The following DDR2 variants were observed in gnomAD, a reference collection of about 807,000 sequenced individuals.
The protein encoded by DDR2 is discoidin domain receptor tyrosine kinase 2.
Under a neutral mutation model 94.9 loss-of-function variants are expected in DDR2, and 27 were observed. The observed-to-expected ratio is 0.28, with a 90% CI of 0.21 to 0.39. The LOEUF is 0.39. Ranked by LOEUF, DDR2 falls within the 10% of genes least tolerant of loss-of-function variation. DDR2 has a pLI of 1.00. For missense variants in DDR2, 783 were observed against 1,076.0 expected, an observed-to-expected ratio of 0.73 and a Z score of 3.81; for synonymous variants, 382 against 377.2, an observed-to-expected ratio of 1.01 and a Z score of -0.15.
At chr1:162,733,223 G>C (rs553038563) in intron 3 of DDR2, among the ~76,000 whole-genome samples, 1 of 152,230 alleles carries the variant, frequency 6.6e-6, no homozygotes, top group Non-Finnish European at 1.5e-5. Flanking sequence ...ACGAGGAAGT[G>C]GAACTGGGGG....
At chr1:162,680,943 T>G (rs1487729810) in intron 2 of DDR2, among the ~76,000 whole-genome samples, 2 of 152,196 alleles carry the variant, frequency 1.3e-5, no homozygotes, top group African/African-American at 2.4e-5. Context: ...TCAGTCTGGC[T>G]TCTTTTCTGG....
chr1:162,715,161 G>A (rs1193672402), intron 2 of DDR2, among the ~76,000 whole-genome samples: 6 of 152,112 alleles, frequency 3.9e-5, no homozygotes, highest in Non-Finnish European at 8.8e-5. Context: ...TGAATATATG[G>A]CTCAAGGCAA....
intron 1 of DDR2, among the ~76,000 whole-genome samples, chr1:162,636,475 G>A (rs1221286714): frequency 2.6e-5 from 4 of 152,170 alleles, no homozygotes; most frequent in African/African-American, 4.8e-5. Context: ...TCTGTGAGGG[G>A]CCCTTTGGAT....
At chr1:162,650,531 G>A (rs572340398) in intron 1 of DDR2, among the ~76,000 whole-genome samples, 2 of 152,234 alleles carry the variant, frequency 1.3e-5, no homozygotes, top group African/African-American at 4.8e-5. Flanking sequence ...GGGAGGCAGA[G>A]GTTGCAGTGA....
At chr1:162,767,466 G>A in intron 11 of DDR2, 107 bp downstream of exon 11, 1 of 1,467,098 alleles carries the variant, frequency 6.8e-7, no homozygotes, top group Non-Finnish European at 9.3e-7. Flanking sequence ...TTAATGGTTG[G>A]AATTAACTGA....
rs1319888415 is a variant in DDR2 at position 162,771,168 on chromosome 1, C to T, written c.1504+656C>T. On this transcript the variant is annotated intron_variant, in intron 12 of 17. Transcript: ENST00000367921. The stretch of plus-strand genomic sequence containing the variant: ...TGTCAGTTGATTCAAATTTCGATGT[C>T]TTTCAAAAAATGATGCAGAGTCATA... 3.9e-5 allele frequency among the ~76,000 whole-genome samples: 6 copies of T among 152,270 alleles called. No individual in the cohort carries two copies. The East Asian group carries it at 9.6e-4, about 24-fold the overall frequency.
chr1:162,654,889 T>C (rs1476142146), intron 1 of DDR2, among the ~76,000 whole-genome samples: 1 of 152,224 alleles, frequency 6.6e-6, no homozygotes, highest in African/African-American at 2.4e-5. Context: ...ATTCTTCTCA[T>C]GTTGAAGATA....
chr1:162,740,210 A>G (rs1445214606), intron 3 of DDR2, among the ~76,000 whole-genome samples: 1 of 152,198 alleles, frequency 6.6e-6, no homozygotes, highest in Admixed American at 6.5e-5. Flanking sequence ...TACATTACAA[A>G]GCAGTATGTA....
intron 2 of DDR2, among the ~76,000 whole-genome samples, chr1:162,692,634 T>A (rs1029141797): frequency 6.6e-6 from 1 of 152,208 alleles, no homozygotes; most frequent in African/African-American, 2.4e-5. Context: ...CAAATAGACT[T>A]GTATTACCAA....
chr1:162,773,463 G>T lies in DDR2; in HGVS notation c.1729-6G>T, dbSNP rs771928101. Reference sequence around the variant, plus strand: ...ATGATGCTGAGACTAGATGACTTTTGTCTAGGTTCATCTCTGTGAAGTGGA... The same window carrying T: ...ATGATGCTGAGACTAGATGACTTTTTTCTAGGTTCATCTCTGTGAAGTGGA... On this transcript the variant is annotated splice_region_variant and splice_polypyrimidine_tract_variant and intron_variant, in intron 13 of 17. Coordinates refer to ENST00000367921, the MANE Select transcript of DDR2 (RefSeq NM_006182.4). The T allele has an allele frequency of 6.2e-7, 1 of 1,613,324 alleles. No homozygotes were observed. Among genetic ancestry groups the T allele is most frequent in the Non-Finnish European group, 8.5e-7 (1 of 1,179,592 alleles).
rs79276697 is a variant in DDR2 at position 162,706,633 on chromosome 1, G to A, written c.-27-12404G>A. On this transcript the variant is annotated intron_variant, in intron 2 of 17. Coordinates refer to ENST00000367921, the MANE Select transcript of DDR2 (RefSeq NM_006182.4). ...TGAGGCCAGCATGGGGCAAGCCCTT[G>A]GTGTCACACTTGGCCCTGGCAATGT... Among the ~76,000 whole-genome samples, 516 of 152,304 alleles carry A rather than the reference G, an allele frequency of 3.4e-3. 2 individuals carry two copies. The highest frequency in any genetic ancestry group is 0.012 in the African/African-American group (493 of 41,558).
intron 3 of DDR2, among the ~76,000 whole-genome samples, chr1:162,726,275 A>T (rs1661659560): frequency 6.6e-6 from 1 of 152,206 alleles, no homozygotes; most frequent in Non-Finnish European, 1.5e-5. Flanking sequence ...ATTTTAGTTT[A>T]ATCATTTCAT....
chr1:162,745,886 A>G (rs1034767266), intron 3 of DDR2, among the ~76,000 whole-genome samples: 2 of 152,220 alleles, frequency 1.3e-5, no homozygotes, highest in African/African-American at 2.4e-5. Context: ...TTGAAATGCA[A>G]TCAGTTGTGA....
chr1:162,762,863 G>A (rs1024113553), intron 9 of DDR2, among the ~76,000 whole-genome samples: 6 of 152,110 alleles, frequency 3.9e-5, no homozygotes, highest in African/African-American at 1.4e-4. Flanking sequence ...TTTAGACAGA[G>A]TCTCGCTCTG....
intron 2 of DDR2, among the ~76,000 whole-genome samples, chr1:162,670,150 G>T (rs563339966): frequency 1.3e-5 from 2 of 152,092 alleles, no homozygotes; most frequent in Non-Finnish European, 1.5e-5. Flanking sequence ...TTGCTCTGTC[G>T]CCCAGGCTGG....
chr1:162,765,012 G>A (rs1286611308), intron 9 of DDR2, among the ~76,000 whole-genome samples: 1 of 152,124 alleles, frequency 6.6e-6, no homozygotes, highest in Non-Finnish European at 1.5e-5. Context: ...TTTAATCTAA[G>A]AGTAAGTTGA....
chr1:162,693,011 A>C (rs193140535), intron 2 of DDR2, among the ~76,000 whole-genome samples: 2 of 152,354 alleles, frequency 1.3e-5, no homozygotes, highest in Non-Finnish European at 2.9e-5. Flanking sequence ...ATACTGCTCC[A>C]TAGAACTACA....
At chr1:162,751,890 G>GC (rs1280145047) in intron 3 of DDR2, among the ~76,000 whole-genome samples, 6 of 152,110 alleles carry the variant, frequency 3.9e-5, no homozygotes, top group African/African-American at 1.4e-4. Flanking sequence ...GCAAACTATC[G>GC]CAAGGACTGA....
rs956840703 is a variant in DDR2 at position 162,775,862 on chromosome 1, C to T, written c.2048+19C>T. 4 of 1,613,554 alleles carry T rather than the reference C, an allele frequency of 2.5e-6. No homozygotes were observed. Among genetic ancestry groups the T allele is most frequent in the Non-Finnish European group, 3.4e-6 (4 of 1,179,882 alleles). On this transcript the variant is annotated intron_variant, in intron 15 of 17. Coordinates refer to ENST00000367921, the MANE Select transcript of DDR2 (RefSeq NM_006182.4). ...CTGTCAGGTAAACAAGCCAGGTCTT[C>T]CTTCTCCTCCCTGTGGTCATGAGAG...
Sources: gnomAD v4.1 joint callset for allele counts (sites outside exome capture counted in the v4.1 genomes callset) on GRCh38, gnomAD v4.1.1 for gene constraint, MANE v1.5 for transcripts, NCBI Gene and HGNC (gene_info 2026-07-23, HGNC 2026-07-21) for gene names.